The following PGGT1B variants were observed in gnomAD, a reference collection of about 807,000 sequenced individuals.
The protein encoded by PGGT1B is protein geranylgeranyltransferase type I subunit beta, also known as geranylgeranyl transferase type-1 subunit beta.
A neutral mutation model predicts 46.1 loss-of-function variants in PGGT1B; 30 were observed. The ratio of observed to expected loss-of-function variants is 0.65; its 90% CI spans 0.49 to 0.88. The LOEUF (loss-of-function observed/expected upper bound fraction) is 0.88, where lower values mean the gene tolerates loss of function less well. Among genes scored for constraint, PGGT1B ranks in the 40% least tolerant of loss-of-function variants. The pLI is 0.00. For missense variants in PGGT1B, 376 were observed against 455.9 expected, an observed-to-expected ratio of 0.82 and a Z score of 1.60; for synonymous variants, 170 against 160.0, an observed-to-expected ratio of 1.06 and a Z score of -0.47.
intron 5 of PGGT1B, 95 bp downstream of exon 5, chr5:115,236,295 A>G (rs1304082112): frequency 3.4e-6 from 3 of 895,104 alleles, no homozygotes; most frequent in African/African-American, 3.6e-5. Context: ...CTTATTTACA[A>G]ATTGTTGGCG....
rs552721276 is a variant in PGGT1B at position 115,261,095 on chromosome 5, C to T, written c.140+1617G>A. 9.9e-5 allele frequency among the ~76,000 whole-genome samples: 15 copies of T among 152,246 alleles called. No individual in the cohort carries two copies. The South Asian group carries it at 3.1e-3, about 32-fold the overall frequency. ...GCACATTATGTATCAATAACAAAAA[C>T]AGGATGGAAGACTTTTTATCTAAAA... On this transcript the variant is annotated intron_variant, in intron 1 of 8. Transcript: ENST00000419445.
rs1481245711 is a variant in PGGT1B at position 115,207,757 on chromosome 5, G to A, written c.*4645C>T. 1 of 151,658 alleles carries A rather than the reference G, an allele frequency of 6.6e-6. No individual in the cohort carries two copies. The highest frequency in any genetic ancestry group is 2.4e-5 in the African/African-American group (1 of 41,320). 9.4% of individuals were successfully genotyped at this position (151,658 alleles called of 1,614,324 possible). On this transcript the variant is annotated 3_prime_UTR_variant, in exon 9 of 9. Transcript: ENST00000419445. ...TTTTACCTCTTCCTTTCCAATTCACGTCTTTATTTTGTCTAACTTCATTGG... is the reference window on the plus strand; with the variant it reads ...TTTTACCTCTTCCTTTCCAATTCACATCTTTATTTTGTCTAACTTCATTGG...
rs1237449224 is a variant in PGGT1B at position 115,207,763 on chromosome 5, A to C, written c.*4639T>G. On this transcript the variant is annotated 3_prime_UTR_variant, in exon 9 of 9. Transcript: ENST00000419445. ...CTCTTCCTTTCCAATTCACGTCTTT[A>C]TTTTGTCTAACTTCATTGGCTATAA... The C allele has an allele frequency of 6.6e-6, 1 of 151,888 alleles. No homozygotes were observed. Among genetic ancestry groups the C allele is most frequent in the Non-Finnish European group, 1.5e-5 (1 of 67,940 alleles). 9.4% of individuals were successfully genotyped at this position (151,888 alleles called of 1,614,324 possible).
intron 5 of PGGT1B, among the ~76,000 whole-genome samples, chr5:115,232,949 C>T (rs1160441): frequency 4.6e-5 from 7 of 151,752 alleles, no homozygotes; most frequent in African/African-American, 1.7e-4. Flanking sequence ...CAAAAGAGAA[C>T]CTTTTTCCTA....
At chr5:115,237,737 G>A (rs1757225394) in intron 4 of PGGT1B, 121 bp downstream of exon 4, 2 of 725,362 alleles carry the variant, frequency 2.8e-6, no homozygotes, top group South Asian at 3.4e-5. Context: ...TACCTCGTAA[G>A]CTTTAGGTGG....
chr5:115,262,286 A>G (rs1326849631), intron 1 of PGGT1B, among the ~76,000 whole-genome samples: 2 of 152,214 alleles, frequency 1.3e-5, no homozygotes, highest in Admixed American at 1.3e-4. Flanking sequence ...TGCCGCTCCT[A>G]CACATAAAAC....
intron 6 of PGGT1B, among the ~76,000 whole-genome samples, chr5:115,224,212 T>C (rs901378288): frequency 1.3e-5 from 2 of 152,228 alleles, no homozygotes; most frequent in South Asian, 4.1e-4. Context: ...TTTTCTTTCA[T>C]GATAACCAAG....
intron 2 of PGGT1B, among the ~76,000 whole-genome samples, chr5:115,249,543 G>A (rs920190611): frequency 1.6e-4 from 25 of 152,212 alleles, no homozygotes; most frequent in African/African-American, 6.0e-4. Flanking sequence ...TTTGGTGGGA[G>A]TCAGGGTAGA....
Position 115,209,048 on chromosome 5 carries a change from T to G in PGGT1B, c.*3354A>C, listed in dbSNP as rs1756144689. 6.6e-6 allele frequency: 1 copy of G among 152,000 alleles called. No homozygotes were observed. Among genetic ancestry groups the G allele is most frequent in the Non-Finnish European group, 1.5e-5 (1 of 67,986 alleles). The allele number at this position is 152,000 out of a possible 1,614,324, so 9.4% of individuals were successfully genotyped here. On this transcript the variant is annotated 3_prime_UTR_variant, in exon 9 of 9. Transcript: ENST00000419445. The stretch of plus-strand genomic sequence containing the variant: ...ACTGAAATGAGTTTTTCTGTACTTT[T>G]AGGAGGAAGGAGTGGCTCTAGGATG...
chr5:115,238,985 G>C (rs1024625808), intron 3 of PGGT1B, among the ~76,000 whole-genome samples: 1 of 151,928 alleles, frequency 6.6e-6, no homozygotes, highest in Non-Finnish European at 1.5e-5. Flanking sequence ...AATTTGAATG[G>C]TGTTCACTAC....
At position 115,207,764 on chromosome 5, in the gene PGGT1B, T is replaced by C. The variant is rs1320113727; in HGVS notation, c.*4638A>G. 3 of 152,110 alleles carry C rather than the reference T, an allele frequency of 2.0e-5. No individual in the cohort carries two copies. Among genetic ancestry groups the C allele is most frequent in the African/African-American group, 4.8e-5 (2 of 41,464 alleles). The allele number at this position is 152,110 out of a possible 1,614,324, so 9.4% of individuals were successfully genotyped here. A position where few individuals can be genotyped will look rare whatever the true frequency, so the allele number is the denominator to read the frequency against. ...TCTTCCTTTCCAATTCACGTCTTTATTTTGTCTAACTTCATTGGCTATAAC... is the reference window on the plus strand; with the variant it reads ...TCTTCCTTTCCAATTCACGTCTTTACTTTGTCTAACTTCATTGGCTATAAC... On this transcript the variant is annotated 3_prime_UTR_variant, in exon 9 of 9. Transcript: ENST00000419445.
At chr5:115,218,505 A>C (rs1756491800) in intron 7 of PGGT1B, among the ~76,000 whole-genome samples, 1 of 148,556 alleles carries the variant, frequency 6.7e-6, no homozygotes, top group South Asian at 2.1e-4. Context: ...AAAAAAAAAA[A>C]AAAACCCAAA....
chr5:115,249,611 T>C (rs567900483), intron 2 of PGGT1B, among the ~76,000 whole-genome samples: 6 of 151,016 alleles, frequency 4.0e-5, no homozygotes, highest in African/African-American at 1.5e-4. Flanking sequence ...AGCAGGTAAT[T>C]GGAATGAGTC....
chr5:115,261,185 T>A (rs1340771672), intron 1 of PGGT1B, among the ~76,000 whole-genome samples: 1 of 152,190 alleles, frequency 6.6e-6, no homozygotes, highest in Non-Finnish European at 1.5e-5. Context: ...TTTTAAAACA[T>A]CTCATATCAC....
intron 6 of PGGT1B, among the ~76,000 whole-genome samples, chr5:115,225,044 T>C (rs1756724108): frequency 6.6e-6 from 1 of 152,064 alleles, no homozygotes; most frequent in African/African-American, 2.4e-5. Flanking sequence ...GAATACTATA[T>C]CATTATATTA....
chr5:115,230,990 C>T lies in PGGT1B; in HGVS notation c.644G>A (p.Gly215Glu), dbSNP rs1442315260. The change falls in exon 6 of 9, where the codon GGA becomes GAA. Residue 215 changes from glycine to glutamate, a missense_variant. This residue lies in a region of PGGT1B where 222 missense variants were observed against 313.6 expected (regional missense o/e 0.71). Transcript: ENST00000419445. Reference protein sequence around the residue: ...SYDNGLAQGAGLESHGGSTFC... With the variant: ...SYDNGLAQGAELESHGGSTFC... ...AGATGTCTTACCATGAGATTCAAGT[C>T]CAGCTCCCTGTGCCAGTCCATTGTC... The T allele has an allele frequency of 1.3e-6, 2 of 1,580,422 alleles. No homozygotes were observed. Among genetic ancestry groups the T allele is most frequent in the Non-Finnish European group, 8.6e-7 (1 of 1,156,934 alleles).
In PGGT1B at chr5:115,207,180, C is replaced by CACATATATATATATATAT. The variant is rs1554069086; in HGVS notation, c.*5221_*5222insATATATATATATATATGT. On this transcript the variant is annotated 3_prime_UTR_variant, in exon 9 of 9. Transcript: ENST00000419445. ...ACTAGTTTAGGTTTGCATATACATA[C>CACATATATATATATATAT]ATATATATATATATATATATATATA... is the stretch of plus-strand genomic sequence containing the variant. The CACATATATATATATATAT allele has an allele frequency of 2.2e-5, 2 of 89,950 alleles. No individual in the cohort carries two copies. The highest frequency in any genetic ancestry group is 8.2e-5 in the African/African-American group (2 of 24,490). 5.6% of individuals were successfully genotyped at this position (89,950 alleles called of 1,614,324 possible).
rs34207751 is a variant in PGGT1B at position 115,211,598 on chromosome 5, C to CAAAAAAAAAA, written c.*794_*803dup. On this transcript the variant is annotated 3_prime_UTR_variant, in exon 9 of 9. Coordinates refer to ENST00000419445, the MANE Select transcript of PGGT1B (RefSeq NM_005023.4). Reference sequence around the variant, plus strand: ...AAAAGATTGTTTTCTTCCTAGAAAGCAAAAAAAAAAAAAAAAAAAAAAAGG... The same window carrying CAAAAAAAAAA: ...AAAAGATTGTTTTCTTCCTAGAAAGCAAAAAAAAAAAAAAAAAAAAAAAAAAAAAAAAAGG... The CAAAAAAAAAA allele has an allele frequency of 1.1e-4, 8 of 72,850 alleles. No individual in the cohort carries two copies. The highest frequency in any genetic ancestry group is 3.1e-4 in the Admixed American group (2 of 6,406). The allele number at this position is 72,850 out of a possible 1,614,324, so 4.5% of individuals were successfully genotyped here.
rs1240618148 is a variant in PGGT1B, at chr5:115,206,064, A to G, written c.*6338T>C. On this transcript the variant is annotated 3_prime_UTR_variant, in exon 9 of 9. Transcript: ENST00000419445. The stretch of plus-strand genomic sequence containing the variant: ...GGCTATTGAAAGGCATTCATAATAC[A>G]TTGTTGAATGAAAAAAAACCATGGA... 1 of 151,876 alleles carries G rather than the reference A, an allele frequency of 6.6e-6. No individual in the cohort carries two copies. The highest frequency in any genetic ancestry group is 2.4e-5 in the African/African-American group (1 of 41,418). 9.4% of individuals were successfully genotyped at this position (151,876 alleles called of 1,614,324 possible). A position where few individuals can be genotyped will look rare whatever the true frequency, so the allele number is the denominator to read the frequency against.
Sources: gnomAD v4.1 joint callset for allele counts (sites outside exome capture counted in the v4.1 genomes callset) on GRCh38, gnomAD v4.1.1 for gene constraint, gnomAD v4.1.1 regional missense constraint, MANE v1.5 for transcripts, NCBI Gene and HGNC (gene_info 2026-07-23, HGNC 2026-07-21) for gene names.